PCSK6: variants seen among roughly 807,000 people sequenced by gnomAD.
PCSK6 encodes proprotein convertase subtilisin/kexin type 6.
A neutral mutation model predicts 123.3 loss-of-function variants in PCSK6; 85 were observed. That is an observed-to-expected ratio of 0.69 (90% CI 0.58 to 0.83). The LOEUF (loss-of-function observed/expected upper bound fraction) is 0.83, where lower values mean the gene tolerates loss of function less well. Among genes scored for constraint, PCSK6 ranks in the 40% least tolerant of loss-of-function variants. The pLI, the probability that PCSK6 is intolerant of heterozygous loss-of-function variation, is 0.00. For missense variants in PCSK6, 1,191 were observed against 1,282.3 expected, an observed-to-expected ratio of 0.93 and a Z score of 1.09; for synonymous variants, 508 against 516.0, an observed-to-expected ratio of 0.98 and a Z score of 0.21.
At chr15:101,428,615 C>T (rs1032135806) in intron 5 of PCSK6, among the ~76,000 whole-genome samples, 17 of 152,352 alleles carry the variant, frequency 1.1e-4, no homozygotes, top group Non-Finnish European at 2.2e-4. Context: ...GTAATGACCC[C>T]ATTCTCTGAT....
intron 18 of PCSK6, among the ~76,000 whole-genome samples, chr15:101,319,016 G>A (rs940419606): frequency 2.0e-5 from 3 of 152,122 alleles, no homozygotes; most frequent in Admixed American, 6.5e-5. Context: ...CCAGCCAGCC[G>A]AGTGCTGGAC....
chr15:101,489,358 G>A lies in PCSK6; in HGVS notation c.297+16C>T. On this transcript the variant is annotated intron_variant, in intron 1 of 21. Coordinates refer to ENST00000611716, the MANE Select transcript of PCSK6 (RefSeq NM_002570.5). ...CGCCGGGAAAGTTTTGGGCGCGCGG[G>A]GCCGGCCGCACTCACCTGGCCCAAG... 2 of 1,155,568 alleles carry A rather than the reference G, an allele frequency of 1.7e-6. No individual in the cohort carries two copies. The highest frequency in any genetic ancestry group is 1.1e-6 in the Non-Finnish European group (1 of 937,796). 71.6% of individuals were successfully genotyped at this position (1,155,568 alleles called of 1,614,324 possible).
chr15:101,375,101 C>A (rs181180095), intron 11 of PCSK6, among the ~76,000 whole-genome samples: 1 of 152,018 alleles, frequency 6.6e-6, no homozygotes, highest in Non-Finnish European at 1.5e-5. Flanking sequence ...TACAGGCATG[C>A]GCCACCATGC....
intron 1 of PCSK6, among the ~76,000 whole-genome samples, chr15:101,477,938 G>A (rs2057772880): frequency 6.6e-6 from 1 of 152,212 alleles, no homozygotes; most frequent in African/African-American, 2.4e-5. Context: ...CCAGGCCAGA[G>A]CCCTGATAAG....
chr15:101,393,992 C>T (rs976442615), intron 7 of PCSK6, among the ~76,000 whole-genome samples: 6 of 152,214 alleles, frequency 3.9e-5, no homozygotes, highest in East Asian at 1.9e-4. Flanking sequence ...GAAAGGGTTA[C>T]GTCCAGGAAG....
intron 9 of PCSK6, among the ~76,000 whole-genome samples, chr15:101,387,943 T>C (rs1353629246): frequency 2.0e-5 from 3 of 152,224 alleles, no homozygotes; most frequent in Non-Finnish European, 4.4e-5. Context: ...TTCCAAATGA[T>C]GTTTGCCTGA....
chr15:101,387,940 T>C (rs1020170628), intron 9 of PCSK6, among the ~76,000 whole-genome samples: 2 of 152,234 alleles, frequency 1.3e-5, no homozygotes, highest in Non-Finnish European at 2.9e-5. Context: ...TTGTTCCAAA[T>C]GATGTTTGCC....
chr15:101,485,517 G>A (rs994113279), intron 1 of PCSK6, among the ~76,000 whole-genome samples: 2 of 152,110 alleles, frequency 1.3e-5, no homozygotes, highest in East Asian at 1.9e-4. Flanking sequence ...TTCCACTGCA[G>A]CTCTTTCTAA....
chr15:101,320,867 T>C (rs145027146), intron 18 of PCSK6, among the ~76,000 whole-genome samples: 4,345 of 152,332 alleles, frequency 0.029, 113 homozygotes, highest in Admixed American at 0.069. Context: ...CACGCCTCTC[T>C]GAAAGCTCGT....
chr15:101,476,004 A>G (rs988784077), intron 1 of PCSK6, among the ~76,000 whole-genome samples: 1 of 152,204 alleles, frequency 6.6e-6, no homozygotes, highest in Non-Finnish European at 1.5e-5. Context: ...ACTTGCACAC[A>G]TACATTGACT....
chr15:101,471,850 G>A (rs986070912), intron 1 of PCSK6, among the ~76,000 whole-genome samples: 36 of 152,242 alleles, frequency 2.4e-4, no homozygotes, highest in African/African-American at 8.7e-4. Context: ...CCTCTGAATG[G>A]AGTCAGGCAC....
chr15:101,313,622 A>G, intron 19 of PCSK6, 117 bp from the exon 20 acceptor site: 2 of 1,438,072 alleles, frequency 1.4e-6, no homozygotes, highest in Non-Finnish European at 1.8e-6. Flanking sequence ...CCAGGCCACC[A>G]CCACAGCTGC....
intron 13 of PCSK6, among the ~76,000 whole-genome samples, chr15:101,353,382 C>T (rs1464053227): frequency 6.6e-6 from 1 of 152,192 alleles, no homozygotes; most frequent in Admixed American, 6.5e-5. Context: ...TGTAAACACA[C>T]ATGAAGTGTT....
At chr15:101,330,273 G>C (rs1320558071) in intron 15 of PCSK6, among the ~76,000 whole-genome samples, 1 of 152,130 alleles carries the variant, frequency 6.6e-6, no homozygotes, top group Non-Finnish European at 1.5e-5. Flanking sequence ...CTGGCCATTT[G>C]CAAGTACTCC....
At chr15:101,386,425 G>A (rs565053352) in intron 9 of PCSK6, among the ~76,000 whole-genome samples, 24 of 152,232 alleles carry the variant, frequency 1.6e-4, no homozygotes, top group African/African-American at 4.1e-4. Context: ...CATTAAGGAC[G>A]TTCACATTGC....
At chr15:101,315,861 G>A (rs1283087911) in intron 19 of PCSK6, among the ~76,000 whole-genome samples, 4 of 152,262 alleles carry the variant, frequency 2.6e-5, no homozygotes, top group Admixed American at 1.3e-4. Context: ...TCCATGCCAG[G>A]ACACACGGGG....
intron 1 of PCSK6, among the ~76,000 whole-genome samples, chr15:101,446,706 G>T (rs571296007): frequency 1.2e-3 from 183 of 152,308 alleles, no homozygotes; most frequent in Non-Finnish European, 1.9e-3. Flanking sequence ...GCTGCTGAGA[G>T]TATCAGGGGA....
chr15:101,445,546 T>C (rs912045737), intron 1 of PCSK6, among the ~76,000 whole-genome samples: 28 of 152,228 alleles, frequency 1.8e-4, no homozygotes, highest in African/African-American at 6.5e-4. Flanking sequence ...TACAGATAAG[T>C]CACCTTGCTC....
intron 1 of PCSK6, among the ~76,000 whole-genome samples, chr15:101,472,556 G>A (rs1337261518): frequency 1.3e-5 from 2 of 152,222 alleles, no homozygotes; most frequent in Admixed American, 6.5e-5. Context: ...CTCAACCTTG[G>A]AGAGACAAAA....
Sources: gnomAD v4.1 joint callset for allele counts (sites outside exome capture counted in the v4.1 genomes callset) on GRCh38, gnomAD v4.1.1 for gene constraint, MANE v1.5 for transcripts, NCBI Gene and HGNC (gene_info 2026-07-23, HGNC 2026-07-21) for gene names.